Variants in GRM1 observed in about 807,000 individuals in gnomAD.
GRM1 encodes metabotropic glutamate receptor 1.
A neutral mutation model predicts 90.9 loss-of-function variants in GRM1; 33 were observed. That is an observed-to-expected ratio of 0.36 (90% confidence interval 0.28 to 0.49). The LOEUF (loss-of-function observed/expected upper bound fraction) is 0.49. Among genes scored for constraint, GRM1 ranks in the 20% least tolerant of loss-of-function variants. GRM1 has a pLI of 0.99. For synonymous variants in GRM1, 700 were observed against 613.2 expected, an observed-to-expected ratio of 1.14 and a Z score of -2.09; for missense variants, 1,190 against 1,534.3, an observed-to-expected ratio of 0.78 and a Z score of 3.75.
At position 146,084,813 on chromosome 6, in the gene GRM1, A is replaced by G. The variant is rs1383306687; in HGVS notation, c.700+54596A>G. On this transcript the variant is annotated intron_variant, in intron 1 of 7. Transcript: ENST00000282753. ...TCCTTGTTAATTTTCTGTCTTGTTG[A>G]TCTGTCTAATATTGACAGTGCATTG... Among the ~76,000 whole-genome samples, 3 of 152,118 alleles carry G rather than the reference A, an allele frequency of 2.0e-5. No individual in the cohort carries two copies. In the East Asian group the frequency reaches 5.8e-4, roughly 29 times the overall value.
chr6:146,137,100 G>A (rs1460989371), intron 1 of GRM1, among the ~76,000 whole-genome samples: 2 of 151,906 alleles, frequency 1.3e-5, no homozygotes, highest in Non-Finnish European at 2.9e-5. Flanking sequence ...TAATCCACCC[G>A]CCTTGGCCTC....
intron 2 of GRM1, among the ~76,000 whole-genome samples, chr6:146,168,460 T>G (rs1481475879): frequency 2.6e-5 from 4 of 152,010 alleles, no homozygotes; most frequent in African/African-American, 9.7e-5. Context: ...ATTGTTATTT[T>G]TGCTTAAATA....
chr6:146,033,157 T>A (rs1000098808), intron 1 of GRM1, among the ~76,000 whole-genome samples: 2 of 152,046 alleles, frequency 1.3e-5, no homozygotes, highest in African/African-American at 4.8e-5. Flanking sequence ...TGGAGGCAAA[T>A]GTTAAGATGA....
intron 5 of GRM1, among the ~76,000 whole-genome samples, chr6:146,374,210 A>C (rs999407359): frequency 6.6e-6 from 1 of 152,168 alleles, no homozygotes; most frequent in Non-Finnish European, 1.5e-5. Context: ...CATCCCAGGG[A>C]TAAATCCCTC....
chr6:146,199,232 C>T (rs530518881), intron 2 of GRM1, among the ~76,000 whole-genome samples: 1 of 152,272 alleles, frequency 6.6e-6, no homozygotes, highest in Admixed American at 6.5e-5. Flanking sequence ...CATAATATAT[C>T]CAGCATAGCA....
chr6:146,193,022 G>A (rs908310894), intron 2 of GRM1, among the ~76,000 whole-genome samples: 3 of 152,188 alleles, frequency 2.0e-5, no homozygotes, highest in Non-Finnish European at 4.4e-5. Flanking sequence ...ACTACTGGAT[G>A]TAAGGTAAAA....
chr6:146,141,227 TC>T (rs1464708944), intron 1 of GRM1, among the ~76,000 whole-genome samples: 2 of 152,112 alleles, frequency 1.3e-5, no homozygotes, highest in Non-Finnish European at 2.9e-5. Context: ...TTGTAATGTT[TC>T]CACTGAAAAG....
At chr6:146,128,613 A>T (rs1202071486) in intron 1 of GRM1, among the ~76,000 whole-genome samples, 1 of 152,186 alleles carries the variant, frequency 6.6e-6, no homozygotes, top group Admixed American at 6.5e-5. Context: ...TGTGAATTCT[A>T]AATTTGCTAT....
chr6:146,064,385 T>C, intron 1 of GRM1, among the ~76,000 whole-genome samples: 1 of 152,288 alleles, frequency 6.6e-6, no homozygotes, highest in Non-Finnish European at 1.5e-5. Flanking sequence ...TAACTTAAAA[T>C]TATTTCATAA....
chr6:146,422,113 T>C (rs1204324356), intron 7 of GRM1, among the ~76,000 whole-genome samples: 1 of 152,142 alleles, frequency 6.6e-6, no homozygotes, highest in Non-Finnish European at 1.5e-5. Context: ...AGACTGACCA[T>C]CTGGAATTGT....
chr6:146,197,225 A>G (rs1346307268), intron 2 of GRM1, among the ~76,000 whole-genome samples: 5 of 152,252 alleles, frequency 3.3e-5, no homozygotes, highest in Non-Finnish European at 5.9e-5. Context: ...AACTGAAGAG[A>G]ACAGTGTTAA....
intron 1 of GRM1, among the ~76,000 whole-genome samples, chr6:146,086,858 C>T (rs537613574): frequency 1.3e-5 from 2 of 151,872 alleles, no homozygotes; most frequent in African/African-American, 2.4e-5. Context: ...TGTCTAGCCT[C>T]GTGATCAATA....
intron 2 of GRM1, among the ~76,000 whole-genome samples, chr6:146,180,738 G>A (rs1319019192): frequency 6.6e-6 from 1 of 151,792 alleles, no homozygotes; most frequent in African/African-American, 2.4e-5. Context: ...ACTTTCATTA[G>A]CTTCTCATGG....
intron 2 of GRM1, among the ~76,000 whole-genome samples, chr6:146,279,092 T>G (rs772332646): frequency 2.8e-4 from 43 of 152,298 alleles, no homozygotes; most frequent in African/African-American, 6.7e-4. Flanking sequence ...TTTTCTATTG[T>G]GTCTACCAAG....
chr6:146,038,818 A>T (rs1265698099), intron 1 of GRM1, among the ~76,000 whole-genome samples: 1 of 152,034 alleles, frequency 6.6e-6, no homozygotes, highest in African/African-American at 2.4e-5. Context: ...TAGAACAAAA[A>T]AATCAATAAA....
intron 3 of GRM1, among the ~76,000 whole-genome samples, chr6:146,345,099 C>A (rs1259913525): frequency 6.6e-6 from 1 of 152,214 alleles, no homozygotes; most frequent in Non-Finnish European, 1.5e-5. Context: ...GCGTAAGCCA[C>A]CAAGCCCAGC....
chr6:146,105,484 A>G (rs1777196160), intron 1 of GRM1, among the ~76,000 whole-genome samples: 1 of 152,172 alleles, frequency 6.6e-6, no homozygotes, highest in Non-Finnish European at 1.5e-5. Flanking sequence ...TTTATAAATC[A>G]GGTTTTTGAA....
At chr6:146,056,666 GCTTTTAAA>G (rs1775491909) in intron 1 of GRM1, among the ~76,000 whole-genome samples, 1 of 152,116 alleles carries the variant, frequency 6.6e-6, no homozygotes, top group Non-Finnish European at 1.5e-5. Context: ...TAATTGAGTA[GCTTTTAAA>G]CTTTCGCAAC....
intron 1 of GRM1, among the ~76,000 whole-genome samples, chr6:146,069,446 T>C (rs1775956629): frequency 2.0e-5 from 3 of 152,316 alleles, no homozygotes; most frequent in African/African-American, 7.2e-5. Context: ...TTATGAGTAA[T>C]AGGAATATGA....
Sources: gnomAD v4.1 joint callset for allele counts (sites outside exome capture counted in the v4.1 genomes callset) on GRCh38, gnomAD v4.1.1 for gene constraint, MANE v1.5 for transcripts, NCBI Gene and HGNC (gene_info 2026-07-23, HGNC 2026-07-21) for gene names.